Variants in AJAP1 observed in about 807,000 individuals in gnomAD.
The protein encoded by AJAP1 is adherens junctions associated protein 1, also known as adherens junction-associated protein 1.
AJAP1 carries 5 observed loss-of-function variants against 35.0 expected under a neutral mutation model. That is an observed-to-expected ratio of 0.14 (90% CI 0.07 to 0.30). The LOEUF (loss-of-function observed/expected upper bound fraction) is 0.30. AJAP1 is among the 10% of genes least tolerant of loss of function. The pLI is 1.00. For synonymous variants in AJAP1, 284 were observed against 249.3 expected (o/e 1.14, Z -1.31); for missense variants, 586 against 571.0 (o/e 1.03, Z -0.27).
Position 4,784,860 on chromosome 1 carries a change from A to G in AJAP1, c.*2375A>G, listed in dbSNP as rs1195571299. On this transcript the variant is annotated 3_prime_UTR_variant, in exon 6 of 6. Transcript: ENST00000378191. ...CGCGCCATCCGGCCTCGTCCATCCC[A>G]TTCTCCTTCAATCACTCCCTCCCGC... The G allele has an allele frequency of 6.6e-6, 1 of 152,366 alleles. No homozygotes were observed. Among genetic ancestry groups the G allele is most frequent in the South Asian group, 2.1e-4 (1 of 4,808 alleles). The allele number at this position is 152,366 out of a possible 1,614,324, so 9.4% of individuals were successfully genotyped here. A position where few individuals can be genotyped will look rare whatever the true frequency, so the allele number is the denominator to read the frequency against.
rs1642173420 is a variant in AJAP1 at position 4,787,222 on chromosome 1, A to G, written c.*4737A>G. ...TGGCCTTGTGGGCTTTATATTCTACAGTGGGAGGAGGTGGATGGTTAATGT... is the reference window on the plus strand; with the variant it reads ...TGGCCTTGTGGGCTTTATATTCTACGGTGGGAGGAGGTGGATGGTTAATGT... On this transcript the variant is annotated 3_prime_UTR_variant, in exon 6 of 6. Coordinates refer to ENST00000378191, the MANE Select transcript of AJAP1 (RefSeq NM_018836.4). 1 of 160,510 alleles carries G rather than the reference A, an allele frequency of 6.2e-6. No homozygotes were observed. The highest frequency in any genetic ancestry group is 1.4e-5 in the Non-Finnish European group (1 of 73,554). The allele number at this position is 160,510 out of a possible 1,614,324, so 9.9% of individuals were successfully genotyped here. A position where few individuals can be genotyped will look rare whatever the true frequency, so the allele number is the denominator to read the frequency against.
rs185801317 is a variant in AJAP1, at chr1:4,662,198, A to T, written c.29+6744A>T. Among the ~76,000 whole-genome samples the T allele has an allele frequency of 4.9e-4, 75 of 152,298 alleles. 1 individual carries two copies. The highest frequency in any genetic ancestry group is 6.5e-4 in the Non-Finnish European group (44 of 68,020). Reference sequence around the variant, plus strand: ...ACTATTGCCATGGTCCAGTTTCAGCACGGTTGCTTCACCCCTGATAAGATC... The same window carrying T: ...ACTATTGCCATGGTCCAGTTTCAGCTCGGTTGCTTCACCCCTGATAAGATC... On this transcript the variant is annotated intron_variant, in intron 1 of 5. Coordinates refer to ENST00000378191, the MANE Select transcript of AJAP1 (RefSeq NM_018836.4).
At chr1:4,674,742 C>A (rs1030759240) in intron 1 of AJAP1, among the ~76,000 whole-genome samples, 2 of 152,158 alleles carry the variant, frequency 1.3e-5, no homozygotes, top group African/African-American at 4.8e-5. Flanking sequence ...AGGGATCGGT[C>A]GGGGCCCAGG....
At chr1:4,664,903 A>G (rs1321031495) in intron 1 of AJAP1, among the ~76,000 whole-genome samples, 2 of 152,114 alleles carry the variant, frequency 1.3e-5, no homozygotes, top group Non-Finnish European at 2.9e-5. Context: ...GCTACGATAT[A>G]TATAAAAGAT....
At chr1:4,675,332 A>T (rs1355167720) in intron 1 of AJAP1, among the ~76,000 whole-genome samples, 1 of 152,236 alleles carries the variant, frequency 6.6e-6, no homozygotes, top group Non-Finnish European at 1.5e-5. Context: ...CCAAGGGAAG[A>T]CACGCGTGGG....
chr1:4,722,041 G>A (rs1640529273), intron 2 of AJAP1, among the ~76,000 whole-genome samples: 1 of 152,208 alleles, frequency 6.6e-6, no homozygotes, highest in Non-Finnish European at 1.5e-5. Context: ...TAGGGTCACT[G>A]GGAACACGTC....
chr1:4,727,792 G>C (rs1640700785), intron 2 of AJAP1, among the ~76,000 whole-genome samples: 1 of 152,208 alleles, frequency 6.6e-6, no homozygotes, highest in South Asian at 2.1e-4. Context: ...CCCATGTAGT[G>C]GGGGCTAGCG....
chr1:4,704,607 C>T (rs1052904143), intron 1 of AJAP1, among the ~76,000 whole-genome samples: 8 of 152,020 alleles, frequency 5.3e-5, no homozygotes, highest in Non-Finnish European at 1.2e-4. Context: ...AATAGTGCCA[C>T]AATAAACATA....
intron 2 of AJAP1, among the ~76,000 whole-genome samples, chr1:4,722,419 G>T (rs899962107): frequency 1.3e-5 from 2 of 152,218 alleles, no homozygotes; most frequent in Non-Finnish European, 2.9e-5. Flanking sequence ...TCTAGTCCTA[G>T]ACATTCCGAA....
rs140040882 is a variant in AJAP1, at chr1:4,696,793, G to T, written c.30-15107G>T. Among the ~76,000 whole-genome samples the T allele has an allele frequency of 3.3e-5, 5 of 152,264 alleles. No individual in the cohort carries two copies. The East Asian group carries it at 9.6e-4, about 29-fold the overall frequency. On this transcript the variant is annotated intron_variant, in intron 1 of 5. Coordinates refer to ENST00000378191, the MANE Select transcript of AJAP1 (RefSeq NM_018836.4). ...GCATTCAGGCATATTCTGTGTGCAT[G>T]TGTGTCTCTGCATGTGCACATGTGC... is the stretch of plus-strand genomic sequence containing the variant.
intron 2 of AJAP1, among the ~76,000 whole-genome samples, chr1:4,726,754 G>A (rs1640670320): frequency 6.6e-6 from 1 of 152,172 alleles, no homozygotes; most frequent in Non-Finnish European, 1.5e-5. Context: ...GGTCTGGGAG[G>A]CAGAGAAACT....
intron 5 of AJAP1, among the ~76,000 whole-genome samples, chr1:4,780,194 G>A (rs1487648897): frequency 6.6e-6 from 1 of 150,656 alleles, no homozygotes; most frequent in Non-Finnish European, 1.5e-5. Context: ...TAGTTCAATG[G>A]CATGAGTGCC....
chr1:4,768,964 G>A (rs1468063367), intron 2 of AJAP1, among the ~76,000 whole-genome samples: 3 of 152,206 alleles, frequency 2.0e-5, no homozygotes, highest in Admixed American at 6.5e-5. Flanking sequence ...GGCAAATGTT[G>A]CAGAAGGTTT....
At chr1:4,669,751 T>G (rs550714359) in intron 1 of AJAP1, among the ~76,000 whole-genome samples, 1 of 152,184 alleles carries the variant, frequency 6.6e-6, no homozygotes, top group Non-Finnish European at 1.5e-5. Context: ...AGTACTTCAC[T>G]CCTTTTTATG....
At chr1:4,748,997 G>A (rs116589306) in intron 2 of AJAP1, among the ~76,000 whole-genome samples, 1,578 of 152,250 alleles carry the variant, frequency 0.01, 29 homozygotes, top group African/African-American at 0.036. Flanking sequence ...TGTGAGAACC[G>A]CAGGAGTGGA....
chr1:4,773,908 C>A (rs1389647765), intron 4 of AJAP1, among the ~76,000 whole-genome samples: 1 of 152,176 alleles, frequency 6.6e-6, no homozygotes, highest in African/African-American at 2.4e-5. Context: ...CGTGCCCTGG[C>A]ATGGAGGCAT....
At chr1:4,747,415 G>A (rs539737196) in intron 2 of AJAP1, among the ~76,000 whole-genome samples, 3 of 152,284 alleles carry the variant, frequency 2.0e-5, no homozygotes, top group East Asian at 3.9e-4. Flanking sequence ...TGCAGACCGG[G>A]TTGGCCAGGG....
chr1:4,699,490 G>C (rs1295980068), intron 1 of AJAP1, among the ~76,000 whole-genome samples: 1 of 152,182 alleles, frequency 6.6e-6, no homozygotes, highest in Non-Finnish European at 1.5e-5. Flanking sequence ...TTTGGAAGCT[G>C]GCGATAACCT....
At chr1:4,776,733 G>C (rs1043074304) in intron 5 of AJAP1, among the ~76,000 whole-genome samples, 1 of 152,108 alleles carries the variant, frequency 6.6e-6, no homozygotes, top group African/African-American at 2.4e-5. Flanking sequence ...AGACATGGGC[G>C]CCCCCAGATG....
Sources: gnomAD v4.1 joint callset for allele counts (sites outside exome capture counted in the v4.1 genomes callset) on GRCh38, gnomAD v4.1.1 for gene constraint, MANE v1.5 for transcripts, NCBI Gene and HGNC (gene_info 2026-07-23, HGNC 2026-07-21) for gene names.